Variants in TP73 observed in about 807,000 individuals in gnomAD.
TP73 encodes p53-like transcription factor.
Under a neutral mutation model 62.5 loss-of-function variants are expected in TP73, and 25 were observed. That is an observed-to-expected ratio of 0.40 (90% CI 0.29 to 0.56). The LOEUF is 0.56. TP73 is among the 20% of genes least tolerant of loss of function. The probability of loss-of-function intolerance (pLI) is 0.46; values close to 1 mark genes in which losing one functional copy is unlikely to be tolerated. For missense variants in TP73, 754 were observed against 913.3 expected, an observed-to-expected ratio of 0.83 and a Z score of 2.25; for synonymous variants, 423 against 377.5, an observed-to-expected ratio of 1.12 and a Z score of -1.40.
intron 3 of TP73, among the ~76,000 whole-genome samples, chr1:3,704,951 G>A (rs1352584062): frequency 6.6e-6 from 1 of 152,232 alleles, no homozygotes; most frequent in Non-Finnish European, 1.5e-5. Flanking sequence ...ATCTTTCTCT[G>A]AGGGGGGCAG....
chr1:3,680,145 G>A (rs1645486966), intron 1 of TP73, among the ~76,000 whole-genome samples: 1 of 152,180 alleles, frequency 6.6e-6, no homozygotes, highest in Non-Finnish European at 1.5e-5. Flanking sequence ...AGCCTTGGGA[G>A]GGGACAGCTC....
Position 3,732,946 on chromosome 1 carries a change from C to T in TP73, c.1778C>T (p.Thr593Ile). ...GCCGTGCACTTCCGCGTGCGCCACA[C>T]CATCACCATCCCCAACCGCGGCGGC... ...MEAVHFRVRH[T>I]ITIPNRGGPG... is the part of the protein sequence containing the mutation. The change falls in exon 14 of 14, where the codon ACC (threonine) becomes ATC (isoleucine). Residue 593 changes from threonine to isoleucine, a missense_variant. Coordinates refer to ENST00000378295, the MANE Select transcript of TP73 (RefSeq NM_005427.4). The T allele has an allele frequency of 6.2e-7, 1 of 1,609,392 alleles. No individual in the cohort carries two copies. Among genetic ancestry groups the T allele is most frequent in the Non-Finnish European group, 8.5e-7 (1 of 1,179,282 alleles).
rs1298163056 is a variant in TP73, at chr1:3,672,063, G to A, written c.-33-10270G>A. On this transcript the variant is annotated intron_variant, in intron 1 of 13. Transcript: ENST00000378295. This position sits in a 1 kb window ranked among gnomAD's most constrained non-coding sequence, Gnocchi z 5.3. The stretch of plus-strand genomic sequence containing the variant: ...GAAGGGCACGTCTGCTCAGACCGCA[G>A]GGTAGGGAGTGGTCAGCAGGGAGAC... Among the ~76,000 whole-genome samples, 2 of 152,168 alleles carry A rather than the reference G, an allele frequency of 1.3e-5. No homozygotes were observed. Among genetic ancestry groups the A allele is most frequent in the African/African-American group, 4.8e-5 (2 of 41,438 alleles).
intron 3 of TP73, among the ~76,000 whole-genome samples, chr1:3,703,571 C>T (rs141214977): frequency 1.0e-3 from 157 of 152,346 alleles, no homozygotes; most frequent in Non-Finnish European, 1.6e-3. Context: ...CAGCTCTTCT[C>T]CTCTTGCCTC....
chr1:3,723,914 T>G, intron 6 of TP73, among the ~76,000 whole-genome samples: 1 of 149,514 alleles, frequency 6.7e-6, no homozygotes, highest in Admixed American at 6.6e-5. Flanking sequence ...ACAAAGGGGG[T>G]TGAGGGATGG....
At chr1:3,684,354 C>A (rs549277303) in intron 3 of TP73, among the ~76,000 whole-genome samples, 1 of 152,354 alleles carries the variant, frequency 6.6e-6, no homozygotes, top group Non-Finnish European at 1.5e-5. Context: ...TTATGCTCAG[C>A]CCGAAAGGGA....
At position 3,732,963 on chromosome 1, in the gene TP73, C is replaced by A; in HGVS notation, c.1795C>A (p.Arg599Ser). 4 of 1,605,756 alleles carry A rather than the reference C, an allele frequency of 2.5e-6. No homozygotes were observed. Among genetic ancestry groups the A allele is most frequent in the Non-Finnish European group, 3.4e-6 (4 of 1,178,128 alleles). Reference protein sequence around the residue: ...RVRHTITIPNRGGPGGGPDEW... With the variant: ...RVRHTITIPNSGGPGGGPDEW... ...GCGCCACACCATCACCATCCCCAACCGCGGCGGCCCAGGCGGCGGCCCTGA... is the reference window on the plus strand; with the variant it reads ...GCGCCACACCATCACCATCCCCAACAGCGGCGGCCCAGGCGGCGGCCCTGA... Residue 599 changes from arginine to serine, a missense_variant, in exon 14 of 14, where the codon CGC (arginine) becomes AGC (serine). Physicochemically the swap from Arg to Ser is moderately radical, Grantham distance 110. This residue lies in a region of TP73 where 458 missense variants were observed against 528.7 expected (regional missense o/e 0.87). Transcript: ENST00000378295.
Position 3,735,811 on chromosome 1 carries a change from G to A in TP73, c.*2732G>A, listed in dbSNP as rs1221727494. On this transcript the variant is annotated 3_prime_UTR_variant, in exon 14 of 14. Coordinates refer to ENST00000378295, the MANE Select transcript of TP73 (RefSeq NM_005427.4). ...GGCAGGTCAGCTCACATCTGTCCAA[G>A]TCGCTCTGGTCAGAAACAGCGACTC... is the stretch of plus-strand genomic sequence containing the variant. The A allele has an allele frequency of 6.6e-6, 1 of 152,112 alleles. No individual in the cohort carries two copies. The highest frequency in any genetic ancestry group is 1.5e-5 in the Non-Finnish European group (1 of 68,030). The allele number at this position is 152,112 out of a possible 1,614,324, so 9.4% of individuals were successfully genotyped here.
intron 12 of TP73, 101 bp downstream of exon 12, chr1:3,731,166 C>G: frequency 6.8e-7 from 1 of 1,473,936 alleles, no homozygotes; most frequent in Non-Finnish European, 9.1e-7. Context: ...TGTGTGCTCA[C>G]CACTCGCAAC....
In TP73 at chr1:3,733,451, C is replaced by A. The variant is rs763814021; in HGVS notation, c.*372C>A. On this transcript the variant is annotated 3_prime_UTR_variant, in exon 14 of 14. Transcript: ENST00000378295. ...TAGAGACTGTCATCTCCCAACCAGG[C>A]GAGGTCCTTCCAAAGGAAAGGATCC... The A allele has an allele frequency of 6.6e-6, 2 of 304,924 alleles. No homozygotes were observed. Among genetic ancestry groups the A allele is most frequent in the African/African-American group, 4.3e-5 (2 of 46,882 alleles). 18.9% of individuals were successfully genotyped at this position (304,924 alleles called of 1,614,324 possible). A position where few individuals can be genotyped will look rare whatever the true frequency, so the allele number is the denominator to read the frequency against.
chr1:3,720,581 A>T (rs1640990149), intron 4 of TP73, among the ~76,000 whole-genome samples: 1 of 152,360 alleles, frequency 6.6e-6, no homozygotes, highest in Admixed American at 6.5e-5. Context: ...CCCACTGCAC[A>T]GGAACAAGGG....
At chr1:3,730,897 C>T (rs2124542850) in intron 11 of TP73, 30 bp from the exon 12 acceptor site, 2 of 1,569,686 alleles carry the variant, frequency 1.3e-6, no homozygotes, top group Non-Finnish European at 1.7e-6. Flanking sequence ...AGCCTGGCTG[C>T]CCTGATGGCC....
At chr1:3,728,083 C>T in intron 8 of TP73, 46 bp from the exon 9 acceptor site, 1 of 1,563,736 alleles carries the variant, frequency 6.4e-7, no homozygotes, top group Non-Finnish European at 8.7e-7. Flanking sequence ...AGGCCTCACC[C>T]TCTGGTCCTG....
chr1:3,707,309 C>T (rs1283414994), intron 3 of TP73, among the ~76,000 whole-genome samples: 1 of 152,222 alleles, frequency 6.6e-6, no homozygotes. Flanking sequence ...TCATCAACGG[C>T]TGGGTGGATC....
At chr1:3,698,017 C>T in intron 3 of TP73, 1 of 949,674 alleles carries the variant, frequency 1.1e-6, no homozygotes, top group Non-Finnish European at 1.3e-6. Flanking sequence ...AAGTTCTCGG[C>T]TCAGCCACCC....
At position 3,728,212 on chromosome 1, in the gene TP73, C is replaced by T. The variant is rs749593342; in HGVS notation, c.1069C>T (p.Leu357Phe). Residue 357 changes from leucine (L) to phenylalanine (F), a missense_variant, in exon 9 of 14, where the codon CTT (leucine) becomes TTT (phenylalanine). Physicochemically the swap from Leu to Phe is conservative, Grantham distance 22 (BLOSUM62 0). This residue lies in a region of TP73 where 458 missense variants were observed against 528.7 expected (regional missense o/e 0.87). Transcript: ENST00000378295. Reference protein sequence around the residue: ...RRHGDEDTYYLQVRGRENFEI... With the variant: ...RRHGDEDTYYFQVRGRENFEI... ...GCATGGAGACGAGGACACGTACTAC[C>T]TTCAGGTGAGTGTGTGCTCCTGCAC... 1 of 1,611,532 alleles carries T rather than the reference C, an allele frequency of 6.2e-7. No homozygotes were observed. The highest frequency in any genetic ancestry group is 1.1e-5 in the South Asian group (1 of 91,082).
At chr1:3,721,753 G>C (rs1444603820) in intron 4 of TP73, among the ~76,000 whole-genome samples, 1 of 152,082 alleles carries the variant, frequency 6.6e-6, no homozygotes, top group Non-Finnish European at 1.5e-5. Flanking sequence ...CTCTCTGCCT[G>C]ACTGCCACCG....
intron 5 of TP73, 40 bp from the exon 6 acceptor site, chr1:3,723,314 C>T (rs1641251001): frequency 1.3e-6 from 2 of 1,561,490 alleles, no homozygotes; most frequent in South Asian, 1.1e-5. Context: ...GGGGTGGGCA[C>T]CTCTATGCAC....
intron 1 of TP73, among the ~76,000 whole-genome samples, chr1:3,654,373 G>A (rs76899183): frequency 0.013 from 2,055 of 152,242 alleles, 52 homozygotes; most frequent in African/African-American, 0.047. Context: ...GCGAACAGTA[G>A]CTGTCTCCAA....
Sources: allele counts gnomAD v4.1 joint callset (sites outside exome capture counted in the v4.1 genomes callset), GRCh38; gene constraint gnomAD v4.1.1; regional missense constraint gnomAD v4.1.1; non-coding constraint Gnocchi (gnomAD v3.1); transcripts MANE v1.5; gene names NCBI Gene and HGNC (gene_info 2026-07-23, HGNC 2026-07-21).